RELN: variants seen among roughly 807,000 people sequenced by gnomAD.
RELN encodes reelin.
RELN carries 108 observed loss-of-function variants against 427.6 expected under a neutral mutation model. The ratio of observed to expected loss-of-function variants is 0.25; its 90% CI spans 0.22 to 0.30. The LOEUF is 0.30. Among genes scored for constraint, RELN ranks in the 10% least tolerant of loss-of-function variants. The pLI is 1.00. For missense variants in RELN, 3,715 were observed against 4,302.8 expected (o/e 0.86, Z 3.82); for synonymous variants, 1,524 against 1,513.4 (o/e 1.01, Z -0.16).
intron 2 of RELN, among the ~76,000 whole-genome samples, chr7:103,851,755 G>A (rs1167020780): frequency 1.3e-5 from 2 of 152,284 alleles, no homozygotes; most frequent in Middle Eastern, 3.4e-3. Flanking sequence ...ACCTCTTGGG[G>A]AAGGCATTAA....
chr7:103,498,766 A>G (rs1054815065), intron 53 of RELN, among the ~76,000 whole-genome samples: 1 of 152,210 alleles, frequency 6.6e-6, no homozygotes, highest in Non-Finnish European at 1.5e-5. Flanking sequence ...TGCTGGAATT[A>G]CAGGTGTGAG....
chr7:103,945,968 T>A (rs761709708), intron 1 of RELN, among the ~76,000 whole-genome samples: 1 of 152,212 alleles, frequency 6.6e-6, no homozygotes, highest in Admixed American at 6.5e-5. Context: ...TACACTCTGA[T>A]GTTCACAAAA....
rs548725843 is a variant in RELN at position 103,862,875 on chromosome 7, T to A, written c.338-29203A>T. Among the ~76,000 whole-genome samples the A allele has an allele frequency of 3.3e-5, 5 of 152,170 alleles. No homozygotes were observed. The South Asian group carries it at 1.0e-3, about 32-fold the overall frequency. ...GCAAAATAGGCAGGAAATCAGAGAA[T>A]GGACGTGGCTGTTCTCTCGGTAGAA... On this transcript the variant is annotated intron_variant, in intron 2 of 64. Transcript: ENST00000428762.
At chr7:103,884,381 T>C (rs1185826387) in intron 2 of RELN, among the ~76,000 whole-genome samples, 1 of 152,180 alleles carries the variant, frequency 6.6e-6, no homozygotes, top group Admixed American at 6.5e-5. Context: ...GGCAAAGACT[T>C]CGTGTCTAAA....
chr7:103,787,506 C>T (rs890535372), intron 3 of RELN, among the ~76,000 whole-genome samples: 3 of 152,148 alleles, frequency 2.0e-5, no homozygotes, highest in African/African-American at 7.2e-5. Flanking sequence ...CGGGGTATCA[C>T]CACTGATCCC....
chr7:103,512,396 A>G (rs1829447855), intron 50 of RELN, among the ~76,000 whole-genome samples: 1 of 152,180 alleles, frequency 6.6e-6, no homozygotes, highest in Admixed American at 6.5e-5. Flanking sequence ...AATGTTCTTA[A>G]TATTTGATTA....
In RELN at chr7:103,640,136, C is replaced by A. The variant is rs1442899890; in HGVS notation, c.2069+407G>T. Among the ~76,000 whole-genome samples the A allele has an allele frequency of 2.0e-5, 3 of 152,108 alleles. No homozygotes were observed. The highest frequency in any genetic ancestry group is 7.2e-5 in the African/African-American group (3 of 41,424). ...GCTTATCAAATCTGCTAAATTTGGT[C>A]CAGTCCAGTTTCCTTTAGCATTGGA... is the stretch of plus-strand genomic sequence containing the variant. On this transcript the variant is annotated intron_variant, in intron 17 of 64. Transcript: ENST00000428762. The surrounding 1 kb of genome is among the most constrained non-coding windows in gnomAD (Gnocchi z 4.1).
intron 2 of RELN, among the ~76,000 whole-genome samples, chr7:103,893,433 T>G (rs1430023681): frequency 2.6e-5 from 4 of 152,302 alleles, no homozygotes; most frequent in Non-Finnish European, 4.4e-5. Flanking sequence ...ATATGAATAT[T>G]GAGAGCTCAT....
intron 4 of RELN, among the ~76,000 whole-genome samples, 175 bp from the exon 5 acceptor site, chr7:103,753,389 A>T (rs148075629): frequency 6.6e-6 from 1 of 152,314 alleles, no homozygotes; most frequent in Admixed American, 6.5e-5. Context: ...GAAGACAATA[A>T]ATTTAATGAT....
chr7:103,862,398 T>C (rs1372312419), intron 2 of RELN, among the ~76,000 whole-genome samples: 1 of 142,348 alleles, frequency 7.0e-6, no homozygotes, highest in African/African-American at 2.5e-5. Flanking sequence ...TCTCTTCCAT[T>C]TATGCTTTTG....
chr7:103,669,025 G>C (rs1833332430), intron 11 of RELN, among the ~76,000 whole-genome samples: 1 of 152,086 alleles, frequency 6.6e-6, no homozygotes, highest in African/African-American at 2.4e-5. Flanking sequence ...AACTTTTCTA[G>C]ATTAATTTAA....
chr7:103,948,410 C>T (rs999890627), intron 1 of RELN, among the ~76,000 whole-genome samples: 3 of 152,114 alleles, frequency 2.0e-5, no homozygotes, highest in Non-Finnish European at 2.9e-5. Context: ...TGGTGACTCA[C>T]GCCTGTAATC....
At chr7:103,709,572 G>A (rs939901867) in intron 8 of RELN, among the ~76,000 whole-genome samples, 8 of 152,180 alleles carry the variant, frequency 5.3e-5, no homozygotes, top group African/African-American at 1.7e-4. Flanking sequence ...ATGCTTACTT[G>A]TGAAGGGCCC....
intron 2 of RELN, among the ~76,000 whole-genome samples, chr7:103,893,388 T>C (rs1456059017): frequency 1.3e-5 from 2 of 152,150 alleles, no homozygotes; most frequent in African/African-American, 4.8e-5. Context: ...CCTTATTGCA[T>C]GAGAACTATT....
At chr7:103,725,591 T>A (rs1263304211) in intron 7 of RELN, among the ~76,000 whole-genome samples, 1 of 152,182 alleles carries the variant, frequency 6.6e-6, no homozygotes, top group Non-Finnish European at 1.5e-5. Context: ...AATAATTTAG[T>A]GAAGAATTTC....
At chr7:103,709,287 A>G (rs1318535105) in intron 8 of RELN, among the ~76,000 whole-genome samples, 2 of 152,152 alleles carry the variant, frequency 1.3e-5, no homozygotes, top group African/African-American at 2.4e-5. Context: ...CTGGGTAACA[A>G]CATCACATGG....
At chr7:103,929,792 C>G (rs1056023450) in intron 1 of RELN, among the ~76,000 whole-genome samples, 8 of 152,178 alleles carry the variant, frequency 5.3e-5, no homozygotes, top group African/African-American at 1.9e-4. Flanking sequence ...AATAGGAGAG[C>G]TGAGACAAGA....
chr7:103,863,955 A>G (rs1794132611), intron 2 of RELN, among the ~76,000 whole-genome samples: 1 of 152,150 alleles, frequency 6.6e-6, no homozygotes, highest in African/African-American at 2.4e-5. Context: ...GACTTTAAAT[A>G]ATACACTTTA....
chr7:103,746,694 C>G (rs1303733729), intron 6 of RELN, among the ~76,000 whole-genome samples: 1 of 151,832 alleles, frequency 6.6e-6, no homozygotes, highest in African/African-American at 2.4e-5. Context: ...CAGAGAAATG[C>G]AAATCAAAAC....
Sources: allele counts gnomAD v4.1 joint callset (sites outside exome capture counted in the v4.1 genomes callset), GRCh38; gene constraint gnomAD v4.1.1; non-coding constraint Gnocchi (gnomAD v3.1); transcripts MANE v1.5; gene names NCBI Gene and HGNC (gene_info 2026-07-23, HGNC 2026-07-21).